Variants in CAMK2D observed in about 807,000 individuals in gnomAD.
CAMK2D encodes the protein calcium/calmodulin-dependent protein kinase type II subunit delta.
Under a neutral mutation model 84.0 loss-of-function variants are expected in CAMK2D, and 37 were observed. That is an observed-to-expected ratio of 0.44 (90% confidence interval 0.34 to 0.58). CAMK2D has a LOEUF of 0.58. CAMK2D is among the 20% of genes least tolerant of loss of function. The pLI, the probability that CAMK2D is intolerant of heterozygous loss-of-function variation, is 0.02. For missense variants in CAMK2D, 448 were observed against 652.5 expected (o/e 0.69, Z 3.41); for synonymous variants, 202 against 212.5 (o/e 0.95, Z 0.43).
chr4:113,599,650 C>T (rs550779025), intron 4 of CAMK2D, among the ~76,000 whole-genome samples: 1 of 152,276 alleles, frequency 6.6e-6, no homozygotes, highest in African/African-American at 2.4e-5. Context: ...AATTTAACTA[C>T]TAATAGCCTA....
chr4:113,498,730 G>T (rs1385642758), intron 16 of CAMK2D, among the ~76,000 whole-genome samples: 1 of 152,098 alleles, frequency 6.6e-6, no homozygotes, highest in Non-Finnish European at 1.5e-5. Context: ...TGTTTTCTAA[G>T]AACTGATATT....
intron 2 of CAMK2D, among the ~76,000 whole-genome samples, chr4:113,682,476 T>C (rs2099348722): frequency 6.6e-6 from 1 of 152,072 alleles, no homozygotes; most frequent in East Asian, 1.9e-4. Context: ...AAATTTATAA[T>C]GAGGACTTTT....
intron 2 of CAMK2D, among the ~76,000 whole-genome samples, chr4:113,710,521 T>A (rs1274236243): frequency 6.6e-6 from 1 of 152,174 alleles, no homozygotes; most frequent in Admixed American, 6.6e-5. Flanking sequence ...TATCAATCGA[T>A]TATTCCTTTC....
Position 113,465,614 on chromosome 4 carries a change from A to T in CAMK2D, c.1136-10T>A. ...ATCTCTTGCTTTCGTGCTAAAGGCA[A>T]AAATATGGAGTTGGGTAAGAATAAA... On this transcript the variant is annotated splice_polypyrimidine_tract_variant and intron_variant, in intron 16 of 20. Transcript: ENST00000511664. The T allele has an allele frequency of 6.4e-7, 1 of 1,559,928 alleles. No homozygotes were observed. The highest frequency in any genetic ancestry group is 8.8e-7 in the Non-Finnish European group (1 of 1,131,982).
intron 2 of CAMK2D, among the ~76,000 whole-genome samples, chr4:113,743,771 C>T (rs1053389167): frequency 1.3e-5 from 2 of 152,066 alleles, no homozygotes; most frequent in Non-Finnish European, 2.9e-5. Context: ...TTTATTTATC[C>T]CCAAAGTTAA....
intron 4 of CAMK2D, among the ~76,000 whole-genome samples, chr4:113,561,977 C>T (rs1591266708): frequency 6.6e-6 from 1 of 152,144 alleles, no homozygotes; most frequent in East Asian, 1.9e-4. Flanking sequence ...TGTGTGCCTG[C>T]ATACACGTGT....
At chr4:113,682,535 T>A (rs2099348866) in intron 2 of CAMK2D, among the ~76,000 whole-genome samples, 1 of 152,080 alleles carries the variant, frequency 6.6e-6, no homozygotes, top group South Asian at 2.1e-4. Context: ...CATTCAGACT[T>A]CAACTTCTGT....
intron 2 of CAMK2D, among the ~76,000 whole-genome samples, chr4:113,744,125 C>G (rs2099599085): frequency 6.6e-6 from 1 of 152,212 alleles, no homozygotes; most frequent in Non-Finnish European, 1.5e-5. Context: ...CAGGCGTGAG[C>G]CACCACACCC....
At chr4:113,480,105 G>A (rs925258589) in intron 16 of CAMK2D, among the ~76,000 whole-genome samples, 4 of 151,990 alleles carry the variant, frequency 2.6e-5, no homozygotes, top group Non-Finnish European at 5.9e-5. Flanking sequence ...GGGACTACAG[G>A]TGCATGCCGC....
chr4:113,552,857 T>C (rs556328877), intron 4 of CAMK2D, among the ~76,000 whole-genome samples: 1 of 152,292 alleles, frequency 6.6e-6, no homozygotes, highest in African/African-American at 2.4e-5. Context: ...TCCAAAATGG[T>C]TGCACCCTGA....
intron 2 of CAMK2D, among the ~76,000 whole-genome samples, chr4:113,681,210 G>A (rs1014661481): frequency 1.3e-5 from 2 of 152,130 alleles, no homozygotes; most frequent in Non-Finnish European, 2.9e-5. Context: ...TGGTTTGGCT[G>A]TGTCCCCACT....
At chr4:113,507,232 T>C (rs1002921623) in intron 13 of CAMK2D, among the ~76,000 whole-genome samples, 5 of 151,870 alleles carry the variant, frequency 3.3e-5, no homozygotes, top group Admixed American at 1.3e-4. Context: ...AATATAAGTA[T>C]AGGTTCAACC....
chr4:113,696,661 A>C (rs994832643), intron 2 of CAMK2D, among the ~76,000 whole-genome samples: 10 of 152,114 alleles, frequency 6.6e-5, no homozygotes, highest in African/African-American at 2.4e-4. Flanking sequence ...CAGAAGCCGC[A>C]CAGTAATAAT....
At chr4:113,595,616 A>C (rs1396842514) in intron 4 of CAMK2D, among the ~76,000 whole-genome samples, 6 of 152,198 alleles carry the variant, frequency 3.9e-5, no homozygotes, top group African/African-American at 1.2e-4. Flanking sequence ...CCACCACAAT[A>C]AAGCAAATAT....
At chr4:113,489,109 TCAG>T (rs1247228787) in intron 16 of CAMK2D, among the ~76,000 whole-genome samples, 1 of 152,138 alleles carries the variant, frequency 6.6e-6, no homozygotes, top group Non-Finnish European at 1.5e-5. Context: ...ACTTAAAAAA[TCAG>T]CAGGTAGTAT....
intron 3 of CAMK2D, among the ~76,000 whole-genome samples, chr4:113,642,150 A>C (rs371842038): frequency 6.6e-6 from 1 of 152,216 alleles, no homozygotes; most frequent in African/African-American, 2.4e-5. Flanking sequence ...CATTTTATCA[A>C]GGGAATCTAA....
At chr4:113,500,804 G>A (rs2098028635) in intron 15 of CAMK2D, among the ~76,000 whole-genome samples, 1 of 152,098 alleles carries the variant, frequency 6.6e-6, no homozygotes, top group Non-Finnish European at 1.5e-5. Flanking sequence ...GTGTAAGGAT[G>A]TGTTTTGTGT....
intron 3 of CAMK2D, among the ~76,000 whole-genome samples, chr4:113,645,826 TAA>T (rs1286351683): frequency 6.6e-6 from 1 of 152,102 alleles, no homozygotes; most frequent in African/African-American, 2.4e-5. Context: ...GTCTGCCACA[TAA>T]AAGAGACCAT....
chr4:113,500,831 G>T (rs190091051), intron 15 of CAMK2D, among the ~76,000 whole-genome samples: 5 of 152,132 alleles, frequency 3.3e-5, no homozygotes, highest in Middle Eastern at 3.4e-3. Flanking sequence ...GCCCTATAAG[G>T]TTTGCTTTTT....
Sources: allele counts gnomAD v4.1 joint callset (sites outside exome capture counted in the v4.1 genomes callset), GRCh38; gene constraint gnomAD v4.1.1; transcripts MANE v1.5; gene names NCBI Gene and HGNC (gene_info 2026-07-23, HGNC 2026-07-21).